The following FER variants were observed in gnomAD, a reference collection of about 807,000 sequenced individuals.
FER encodes the protein FER tyrosine kinase.
In FER, 63 loss-of-function variants were observed where a neutral mutation model predicts 111.0. That is an observed-to-expected ratio of 0.57 (90% CI 0.46 to 0.70). The LOEUF is 0.70. Ranked by LOEUF, FER falls within the 30% of genes least tolerant of loss-of-function variation. The pLI is 0.00. For synonymous variants in FER, 327 were observed against 313.9 expected (o/e 1.04, Z -0.44); for missense variants, 914 against 954.0 (o/e 0.96, Z 0.55).
intron 16 of FER, among the ~76,000 whole-genome samples, chr5:109,083,476 C>A (rs1777219359): frequency 6.6e-6 from 1 of 152,042 alleles, no homozygotes; most frequent in African/African-American, 2.4e-5. Context: ...CACTTTATCT[C>A]CATTTTAACC....
At chr5:108,811,641 A>G (rs1757771319) in intron 3 of FER, among the ~76,000 whole-genome samples, 3 of 152,146 alleles carry the variant, frequency 2.0e-5, no homozygotes, top group Admixed American at 6.5e-5. Context: ...ATATATATAT[A>G]TGATTTATCA....
chr5:108,840,355 A>G (rs1324479615), intron 5 of FER, among the ~76,000 whole-genome samples: 5 of 152,206 alleles, frequency 3.3e-5, no homozygotes, highest in Admixed American at 2.6e-4. Context: ...GTCAAAAACC[A>G]CAATTACTTT....
intron 10 of FER, among the ~76,000 whole-genome samples, chr5:108,913,999 G>A (rs979858684): frequency 6.6e-6 from 1 of 152,156 alleles, no homozygotes; most frequent in Non-Finnish European, 1.5e-5. Flanking sequence ...GGTAGGGTGG[G>A]TGTAGTGACT....
rs146146108 is a variant in FER, at chr5:109,071,273, G to T, written c.1924+24075G>T. On this transcript the variant is annotated intron_variant, in intron 16 of 19. Coordinates refer to ENST00000281092, the MANE Select transcript of FER (RefSeq NM_005246.4). ...TTTCATCATCTTTGACAGTCTTTGA[G>T]AATATTAGCTAGATGTCCATGGAAA... Among the ~76,000 whole-genome samples the T allele has an allele frequency of 7.8e-3, 1,188 of 152,058 alleles. 12 individuals are homozygous for T. The highest frequency in any genetic ancestry group is 0.028 in the African/African-American group (1,150 of 41,540).
chr5:109,158,741 G>A (rs1755682335), intron 17 of FER, among the ~76,000 whole-genome samples: 2 of 151,966 alleles, frequency 1.3e-5, no homozygotes, highest in Non-Finnish European at 1.5e-5. Context: ...TGAAGTACTC[G>A]TTGTTCCCTG....
At chr5:108,935,220 G>A (rs975719669) in intron 10 of FER, among the ~76,000 whole-genome samples, 2 of 152,076 alleles carry the variant, frequency 1.3e-5, no homozygotes, top group Non-Finnish European at 2.9e-5. Context: ...CCAAAGTCAA[G>A]GTTTTGCCAG....
chr5:109,161,912 A>G (rs976231938), intron 17 of FER, among the ~76,000 whole-genome samples: 2 of 152,036 alleles, frequency 1.3e-5, no homozygotes, highest in Non-Finnish European at 2.9e-5. Context: ...CTTTCTCTCT[A>G]CAACCTCACT....
intron 10 of FER, among the ~76,000 whole-genome samples, chr5:108,931,530 T>TCTCTTA (rs1754675410): frequency 6.6e-6 from 1 of 152,212 alleles, no homozygotes; most frequent in African/African-American, 2.4e-5. Context: ...TTGCATAGTT[T>TCTCTTA]TCATTCATGT....
intron 16 of FER, among the ~76,000 whole-genome samples, chr5:109,089,641 G>T (rs1777944091): frequency 6.6e-6 from 1 of 152,048 alleles, no homozygotes; most frequent in Non-Finnish European, 1.5e-5. Context: ...CAGTACACTG[G>T]GCAAGTACAA....
At chr5:108,910,658 C>T (rs1200953810) in intron 10 of FER, among the ~76,000 whole-genome samples, 1 of 151,798 alleles carries the variant, frequency 6.6e-6, no homozygotes, top group African/African-American at 2.4e-5. Context: ...TTAGGAGTCC[C>T]CAGTGTCTAT....
intron 13 of FER, among the ~76,000 whole-genome samples, chr5:108,986,516 T>C (rs1445679852): frequency 1.3e-5 from 2 of 152,174 alleles, no homozygotes; most frequent in Non-Finnish European, 2.9e-5. Context: ...ATGAAGTCTT[T>C]GCCTAATCCA....
At chr5:109,004,354 A>G (rs2149788742) in intron 13 of FER, among the ~76,000 whole-genome samples, 1 of 152,316 alleles carries the variant, frequency 6.6e-6, no homozygotes, top group East Asian at 1.9e-4. Flanking sequence ...GTTTCAAAAT[A>G]TTCATATCCT....
intron 18 of FER, among the ~76,000 whole-genome samples, chr5:109,182,977 G>T (rs1001292756): frequency 9.2e-5 from 14 of 152,176 alleles, no homozygotes; most frequent in Non-Finnish European, 1.9e-4. Context: ...GAGTAGCTGG[G>T]ACTGCAGGCA....
At chr5:109,181,590 T>C (rs892604128) in intron 18 of FER, among the ~76,000 whole-genome samples, 3 of 152,198 alleles carry the variant, frequency 2.0e-5, no homozygotes, top group East Asian at 1.9e-4. Context: ...ATATGAGCCA[T>C]GGATTGGTGA....
At chr5:108,843,722 T>A (rs933259122) in intron 5 of FER, among the ~76,000 whole-genome samples, 3 of 151,728 alleles carry the variant, frequency 2.0e-5, no homozygotes, top group African/African-American at 7.3e-5. Context: ...AGAGATGGGG[T>A]TTCACCATGT....
intron 17 of FER, among the ~76,000 whole-genome samples, chr5:109,144,441 G>C (rs190786608): frequency 5.7e-4 from 86 of 152,210 alleles, no homozygotes; most frequent in Non-Finnish European, 5.9e-4. Context: ...CATCCTCTCA[G>C]AGCCCTGCAC....
intron 13 of FER, among the ~76,000 whole-genome samples, chr5:109,020,334 C>T (rs1166474086): frequency 6.6e-6 from 1 of 151,812 alleles, no homozygotes; most frequent in Non-Finnish European, 1.5e-5. Flanking sequence ...TATAATAAAG[C>T]ATAAATTTGG....
At position 108,800,570 on chromosome 5, in the gene FER, C is replaced by G. The variant is rs74316908; in HGVS notation, c.207+2181C>G. On this transcript the variant is annotated intron_variant, in intron 3 of 19. Coordinates refer to ENST00000281092, the MANE Select transcript of FER (RefSeq NM_005246.4). ...GTCTCAGTATATTGCCCAGGCTGAC[C>G]TTGACCTTCTGGGCTCAAGCAATCC... Among the ~76,000 whole-genome samples the G allele has an allele frequency of 7.9e-4, 120 of 152,246 alleles. 3 individuals carry two copies. In the East Asian group the frequency reaches 0.019, roughly 25 times the overall value.
intron 16 of FER, among the ~76,000 whole-genome samples, chr5:109,080,041 A>G (rs1375305903): frequency 1.3e-5 from 2 of 152,064 alleles, no homozygotes; most frequent in African/African-American, 4.8e-5. Flanking sequence ...TGATAAATAC[A>G]TTTTTCCTCC....
Sources: gnomAD v4.1 joint callset for allele counts (sites outside exome capture counted in the v4.1 genomes callset) on GRCh38, gnomAD v4.1.1 for gene constraint, MANE v1.5 for transcripts, NCBI Gene and HGNC (gene_info 2026-07-23, HGNC 2026-07-21) for gene names.